Variants in DENND1A observed in about 807,000 individuals in gnomAD.
DENND1A encodes the protein DENN domain containing 1A.
In DENND1A, 51 loss-of-function variants were observed where a neutral mutation model predicts 113.7. The observed-to-expected ratio is 0.45, with a 90% CI of 0.36 to 0.57. DENND1A has a LOEUF of 0.57. Ranked by LOEUF, DENND1A falls within the 20% of genes least tolerant of loss-of-function variation. The pLI is 0.00. For synonymous variants in DENND1A, 565 were observed against 570.8 expected, an observed-to-expected ratio of 0.99 and a Z score of 0.14; for missense variants, 1,258 against 1,395.9, an observed-to-expected ratio of 0.90 and a Z score of 1.57.
At chr9:123,608,114 G>T (rs1268491451) in intron 11 of DENND1A, among the ~76,000 whole-genome samples, 1 of 152,124 alleles carries the variant, frequency 6.6e-6, no homozygotes, top group South Asian at 2.1e-4. Flanking sequence ...CATAAACTGT[G>T]TACTGTATGT....
chr9:123,625,698 C>T (rs2061178392), intron 10 of DENND1A, among the ~76,000 whole-genome samples: 1 of 152,148 alleles, frequency 6.6e-6, no homozygotes, highest in Admixed American at 6.5e-5. Flanking sequence ...GAGCCAAGAT[C>T]GTGCCACTGC....
chr9:123,430,604 C>T (rs561189146), intron 19 of DENND1A, among the ~76,000 whole-genome samples: 12 of 152,318 alleles, frequency 7.9e-5, no homozygotes, highest in Middle Eastern at 3.4e-3. Context: ...TTCTCACTTA[C>T]AAGTGGGAGC....
At chr9:123,446,186 G>A (rs1031580327) in intron 18 of DENND1A, among the ~76,000 whole-genome samples, 8 of 152,226 alleles carry the variant, frequency 5.3e-5, no homozygotes, top group Non-Finnish European at 1.5e-5. Flanking sequence ...TGCTGCGGGT[G>A]TGAGAACTCC....
chr9:123,892,343 T>C (rs941943735), intron 1 of DENND1A, among the ~76,000 whole-genome samples: 6 of 152,186 alleles, frequency 3.9e-5, no homozygotes, highest in Non-Finnish European at 8.8e-5. Context: ...AGTCTAGCCC[T>C]AGACTGAGCA....
At chr9:123,818,571 T>C (rs12344327) in intron 2 of DENND1A, among the ~76,000 whole-genome samples, 74 of 139,018 alleles carry the variant, frequency 5.3e-4, no homozygotes, top group African/African-American at 9.7e-4. Flanking sequence ...CACACACATA[T>C]ATATATATAT....
intron 8 of DENND1A, among the ~76,000 whole-genome samples, chr9:123,657,042 C>T (rs1275459914): frequency 6.6e-6 from 1 of 152,170 alleles, no homozygotes; most frequent in Non-Finnish European, 1.5e-5. Context: ...CAAAGCTATC[C>T]CCCACCCAGG....
rs926447053 is a variant in DENND1A at position 123,454,772 on chromosome 9, G to A, written c.1194C>T (p.Asp398=). Residue 398 remains aspartate, a synonymous_variant, in exon 16 of 24, where the codon GAC becomes GAT. Transcript: ENST00000394215. Reference sequence around the variant, plus strand: ...TGGAGAGCCACTGATGGTACAGTTTGTCACTGCCTGGGGAAAGAGAATTCA... The same window carrying A: ...TGGAGAGCCACTGATGGTACAGTTTATCACTGCCTGGGGAAAGAGAATTCA... ...EINMGEYAGS[D]KLYHQWLSTV... The A allele has an allele frequency of 6.4e-7, 1 of 1,555,008 alleles. No homozygotes were observed. The highest frequency in any genetic ancestry group is 8.7e-7 in the Non-Finnish European group (1 of 1,148,496).
rs59820553 is a variant in DENND1A at position 123,882,322 on chromosome 9, C to CAAAAAAA, written c.18-3308_18-3302dup. ...TGAGCAACATAGCAAAACCTTGTTT[C>CAAAAAAA]AAAAAAAAAAAAAAAAAATCCCATT... On this transcript the variant is annotated intron_variant, in intron 1 of 23. Transcript: ENST00000394215. 4.4e-3 allele frequency among the ~76,000 whole-genome samples: 542 copies of CAAAAAAA among 124,362 alleles called. 1 individual carries two copies. The highest frequency in any genetic ancestry group is 0.013 in the African/African-American group (479 of 36,324). The allele number at this position is 124,362 out of a possible 152,430, so 81.6% of individuals were successfully genotyped here. A position where few individuals can be genotyped will look rare whatever the true frequency, so the allele number is the denominator to read the frequency against.
chr9:123,418,791 C>A (rs576190325), intron 19 of DENND1A, among the ~76,000 whole-genome samples: 2 of 152,360 alleles, frequency 1.3e-5, no homozygotes, highest in East Asian at 3.9e-4. Context: ...CAAGCAAGGA[C>A]TTGCCCAGGG....
chr9:123,745,958 G>A (rs1465988760), intron 5 of DENND1A, among the ~76,000 whole-genome samples: 1 of 152,118 alleles, frequency 6.6e-6, no homozygotes, highest in African/African-American at 2.4e-5. Context: ...ATTCTAAATT[G>A]CATAATGCAA....
chr9:123,439,764 G>A (rs771039155), intron 19 of DENND1A: 4 of 151,998 alleles, frequency 2.6e-5, no homozygotes, highest in Non-Finnish European at 4.4e-5. Flanking sequence ...AGTAGGAAGG[G>A]GATACAAAAT....
rs570715788 is a variant in DENND1A, at chr9:123,651,021, A to C, written c.618+992T>G. ...AATGTCACTAGTAGAATTTAGATGG[A>C]AGTATATCAGCATTCACTGTAAAAT... On this transcript the variant is annotated intron_variant, in intron 9 of 23. Coordinates refer to ENST00000394215, the MANE Select transcript of DENND1A (RefSeq NM_001352964.2). 1.5e-4 allele frequency among the ~76,000 whole-genome samples: 23 copies of C among 152,108 alleles called. No homozygotes were observed. In the South Asian group the frequency reaches 4.6e-3, roughly 30 times the overall value.
rs745533261 is a variant in DENND1A at position 123,381,757 on chromosome 9, C to T, written c.2888G>A (p.Gly963Asp). Residue 963 changes from glycine to aspartate, a missense_variant, in exon 24 of 24, where the codon GGC becomes GAC. Coordinates refer to ENST00000394215, the MANE Select transcript of DENND1A (RefSeq NM_001352964.2). The surrounding 1 kb of genome is among the most constrained non-coding windows in gnomAD (Gnocchi z 4.7). ...MPNLFGQMPM[G>D]THTSPLQPLG... The stretch of plus-strand genomic sequence containing the variant: ...CGGCTGTAGGGGGCTCGTGTGGGTG[C>T]CCATGGGCATCTGGCCAAAGAGGTT... 236 of 1,509,550 alleles carry T rather than the reference C, an allele frequency of 1.6e-4. No individual in the cohort carries two copies. Among genetic ancestry groups the T allele is most frequent in the Non-Finnish European group, 2.0e-4 (223 of 1,129,812 alleles). The allele number at this position is 1,509,550 out of a possible 1,614,324, so 93.5% of individuals were successfully genotyped here.
In DENND1A at chr9:123,729,963, C is replaced by T. The variant is rs7021562; in HGVS notation, c.302+27740G>A. 7.0e-3 allele frequency among the ~76,000 whole-genome samples: 1,068 copies of T among 152,266 alleles called. 15 individuals carry two copies. The highest frequency in any genetic ancestry group is 0.024 in the African/African-American group (1,009 of 41,526). On this transcript the variant is annotated intron_variant, in intron 5 of 23. Transcript: ENST00000394215. ...CCTTAGAAATCATGCCACACATCTA[C>T]AACCAACTGATCTTTGAAAAACCTG...
intron 10 of DENND1A, among the ~76,000 whole-genome samples, chr9:123,629,248 T>C (rs1288155144): frequency 6.6e-6 from 1 of 152,234 alleles, no homozygotes; most frequent in African/African-American, 2.4e-5. Flanking sequence ...GACCCTCAAA[T>C]GGCTTCCCTT....
At chr9:123,902,194 CACACACACACACAT>C (rs1267599843) in intron 1 of DENND1A, among the ~76,000 whole-genome samples, 11 of 151,284 alleles carry the variant, frequency 7.3e-5, no homozygotes, top group Non-Finnish European at 1.5e-4. Flanking sequence ...CACACACACA[CACACACACACACAT>C]ACACACACAC....
intron 18 of DENND1A, among the ~76,000 whole-genome samples, chr9:123,446,426 C>T (rs990987840): frequency 5.9e-5 from 9 of 152,182 alleles, no homozygotes; most frequent in African/African-American, 9.7e-5. Flanking sequence ...CCCGGCCCCA[C>T]GCATGCTTAC....
chr9:123,586,676 C>T (rs1226055473), intron 11 of DENND1A, among the ~76,000 whole-genome samples: 1 of 152,174 alleles, frequency 6.6e-6, no homozygotes, highest in Non-Finnish European at 1.5e-5. Flanking sequence ...AGAATTGGAG[C>T]CCAGCTCGCT....
intron 21 of DENND1A, among the ~76,000 whole-genome samples, chr9:123,402,932 TA>T: frequency 6.6e-6 from 1 of 152,096 alleles, no homozygotes; most frequent in Non-Finnish European, 1.5e-5. Flanking sequence ...AAAACCACAG[TA>T]ACATAAATCC....
Sources: gnomAD v4.1 joint callset for allele counts (sites outside exome capture counted in the v4.1 genomes callset) on GRCh38, gnomAD v4.1.1 for gene constraint, Gnocchi (gnomAD v3.1) non-coding constraint, MANE v1.5 for transcripts, NCBI Gene and HGNC (gene_info 2026-07-23, HGNC 2026-07-21) for gene names.